Variants in STAU2 observed in about 807,000 individuals in gnomAD.
The protein encoded by STAU2 is double-stranded RNA-binding protein Staufen homolog 2.
STAU2 carries 20 observed loss-of-function variants against 65.9 expected under a neutral mutation model. The ratio of observed to expected loss-of-function variants is 0.30; its 90% CI spans 0.21 to 0.44. STAU2 has a LOEUF of 0.44. Ranked by LOEUF, STAU2 falls within the 20% of genes least tolerant of loss-of-function variation. The probability of loss-of-function intolerance (pLI) is 1.00; values close to 1 mark genes in which losing one functional copy is unlikely to be tolerated. For missense variants in STAU2, 558 were observed against 683.9 expected (o/e 0.82, Z 2.05); for synonymous variants, 232 against 233.9 (o/e 0.99, Z 0.07).
chr8:73,725,020 A>G (rs1394509538), intron 3 of STAU2, among the ~76,000 whole-genome samples: 1 of 152,144 alleles, frequency 6.6e-6, no homozygotes, highest in African/African-American at 2.4e-5. Context: ...TTGACTTTCA[A>G]TATTTTCATC....
intron 12 of STAU2, among the ~76,000 whole-genome samples, chr8:73,569,327 G>A (rs554797301): frequency 5.8e-4 from 89 of 152,218 alleles, no homozygotes; most frequent in African/African-American, 2.0e-3. Flanking sequence ...GAACTGGGTG[G>A]AGCCCACCAC....
intron 5 of STAU2, among the ~76,000 whole-genome samples, chr8:73,677,691 A>C (rs1818116511): frequency 6.6e-6 from 1 of 152,202 alleles, no homozygotes. Context: ...GGAAGCTTCC[A>C]TAGCACTAGT....
chr8:73,670,816 C>A (rs2130392419), intron 6 of STAU2, among the ~76,000 whole-genome samples: 1 of 151,860 alleles, frequency 6.6e-6, no homozygotes, highest in African/African-American at 2.4e-5. Context: ...AATATCTGAT[C>A]AAATATAGGA....
chr8:73,511,780 T>C (rs564567219), intron 13 of STAU2: 1 of 152,366 alleles, frequency 6.6e-6, no homozygotes, highest in African/African-American at 2.4e-5. Flanking sequence ...ATTTACCAAT[T>C]TCTTCTTGTA....
intron 3 of STAU2, among the ~76,000 whole-genome samples, chr8:73,727,192 T>C (rs1040789535): frequency 6.6e-6 from 1 of 152,080 alleles, no homozygotes; most frequent in Non-Finnish European, 1.5e-5. Flanking sequence ...ATCACACCAC[T>C]GCACTCCAGA....
intron 13 of STAU2, among the ~76,000 whole-genome samples, chr8:73,476,526 T>C (rs1260899973): frequency 6.6e-6 from 1 of 152,244 alleles, no homozygotes; most frequent in Non-Finnish European, 1.5e-5. Flanking sequence ...CTTTGTATTA[T>C]GACCCTTATC....
intron 12 of STAU2, 104 bp from the exon 13 acceptor site, chr8:73,552,423 G>C (rs1807400218): frequency 2.0e-6 from 2 of 996,408 alleles, no homozygotes; most frequent in Non-Finnish European, 2.9e-6. Flanking sequence ...ACAAAGAAAT[G>C]AGAAACACTG....
intron 5 of STAU2, among the ~76,000 whole-genome samples, chr8:73,682,490 T>A (rs1185965868): frequency 1.3e-5 from 2 of 151,784 alleles, no homozygotes; most frequent in Non-Finnish European, 2.9e-5. Flanking sequence ...AAGAGCAAAG[T>A]TTACAGCACT....
chr8:73,630,494 C>A (rs1240450473), intron 6 of STAU2, among the ~76,000 whole-genome samples: 1 of 152,222 alleles, frequency 6.6e-6, no homozygotes. Flanking sequence ...TGGTTTACTC[C>A]TGTTCACAAT....
chr8:73,422,142 G>A (rs1271391025), intron 14 of STAU2, among the ~76,000 whole-genome samples: 2 of 152,104 alleles, frequency 1.3e-5, no homozygotes, highest in African/African-American at 4.8e-5. Context: ...ATGTGTGCTG[G>A]TGTTTCATAG....
intron 12 of STAU2, among the ~76,000 whole-genome samples, chr8:73,579,855 G>A (rs1290989791): frequency 6.6e-6 from 1 of 152,120 alleles, no homozygotes; most frequent in Admixed American, 6.6e-5. Context: ...AATAAATTGA[G>A]GAACCAGGCT....
intron 6 of STAU2, among the ~76,000 whole-genome samples, chr8:73,649,869 TTATA>T (rs55814743): frequency 0.023 from 1,630 of 71,536 alleles, 45 homozygotes; most frequent in African/African-American, 0.066. Flanking sequence ...CTATATAATT[TTATA>T]TATATATATA....
At chr8:73,448,786 GT>G (rs1214212552) in intron 13 of STAU2, among the ~76,000 whole-genome samples, 1 of 152,258 alleles carries the variant, frequency 6.6e-6, no homozygotes, top group Non-Finnish European at 1.5e-5. Context: ...TGGAGCGATG[GT>G]TCAGGGTATG....
At chr8:73,498,485 T>C (rs1045991789) in intron 13 of STAU2, among the ~76,000 whole-genome samples, 1 of 151,802 alleles carries the variant, frequency 6.6e-6, no homozygotes, top group African/African-American at 2.4e-5. Flanking sequence ...TAGAAAACTT[T>C]TATCCTGATT....
At chr8:73,608,475 C>T (rs535104466) in intron 9 of STAU2, among the ~76,000 whole-genome samples, 4 of 151,656 alleles carry the variant, frequency 2.6e-5, no homozygotes, top group South Asian at 2.1e-4. Flanking sequence ...CGCGTGGTGG[C>T]GCACGCCTGT....
intron 6 of STAU2, among the ~76,000 whole-genome samples, chr8:73,618,545 T>C (rs968100634): frequency 2.6e-5 from 4 of 152,178 alleles, no homozygotes; most frequent in Admixed American, 6.5e-5. Context: ...CAAGATTCCA[T>C]AGGGCCTTCC....
intron 4 of STAU2, among the ~76,000 whole-genome samples, chr8:73,695,654 T>C (rs1008978117): frequency 6.6e-5 from 10 of 152,138 alleles, no homozygotes; most frequent in African/African-American, 2.4e-4. Context: ...AAGCAGGCTC[T>C]TGGGGTCCCT....
chr8:73,711,079 G>A (rs1332761594), intron 3 of STAU2, among the ~76,000 whole-genome samples: 2 of 140,814 alleles, frequency 1.4e-5, no homozygotes, highest in Non-Finnish European at 3.0e-5. Context: ...CCAATTGTAG[G>A]GCCAAGACAG....
At chr8:73,613,610 A>C (rs1812625502) in intron 9 of STAU2, 134 bp downstream of exon 9, 2 of 577,240 alleles carry the variant, frequency 3.5e-6, no homozygotes, top group South Asian at 3.7e-5. Flanking sequence ...ATTTATAGTC[A>C]CATGTCCTGC....
Sources: gnomAD v4.1 joint callset for allele counts (sites outside exome capture counted in the v4.1 genomes callset) on GRCh38, gnomAD v4.1.1 for gene constraint, MANE v1.5 for transcripts, NCBI Gene and HGNC (gene_info 2026-07-23, HGNC 2026-07-21) for gene names.